Variants in CA10 observed in about 807,000 individuals in gnomAD.
CA10 encodes the protein carbonic anhydrase-related protein 10.
A neutral mutation model predicts 44.2 loss-of-function variants in CA10; 14 were observed. That is an observed-to-expected ratio of 0.32 (90% CI 0.21 to 0.50). CA10 has a LOEUF of 0.50. Among genes scored for constraint, CA10 ranks in the 20% least tolerant of loss-of-function variants. The pLI, the probability that CA10 is intolerant of heterozygous loss-of-function variation, is 0.99. For missense variants in CA10, 350 were observed against 409.7 expected, an observed-to-expected ratio of 0.85 and a Z score of 1.26; for synonymous variants, 159 against 141.6, an observed-to-expected ratio of 1.12 and a Z score of -0.87.
intron 4 of CA10, among the ~76,000 whole-genome samples, chr17:51,660,826 G>C (rs1913977623): frequency 6.6e-6 from 1 of 152,094 alleles, no homozygotes; most frequent in Non-Finnish European, 1.5e-5. Context: ...ATGTGTCCTT[G>C]TTTTCTGTGC....
intron 4 of CA10, among the ~76,000 whole-genome samples, chr17:51,724,714 A>C (rs769121767): frequency 1.3e-5 from 2 of 152,214 alleles, no homozygotes; most frequent in African/African-American, 4.8e-5. Flanking sequence ...CTGAAAATAC[A>C]ATGTAAAAGA....
At chr17:51,768,356 A>C (rs945385564) in intron 3 of CA10, among the ~76,000 whole-genome samples, 8 of 152,268 alleles carry the variant, frequency 5.3e-5, no homozygotes, top group African/African-American at 1.9e-4. Context: ...AAGGACAGGA[A>C]ATTTCAAATC....
chr17:51,702,398 C>T (rs1272447295), intron 4 of CA10, among the ~76,000 whole-genome samples: 1 of 152,160 alleles, frequency 6.6e-6, no homozygotes, highest in Non-Finnish European at 1.5e-5. Context: ...CAATCACTCT[C>T]ATCCTTGGTG....
At chr17:51,967,793 T>C (rs1298002167) in intron 2 of CA10, among the ~76,000 whole-genome samples, 4 of 151,546 alleles carry the variant, frequency 2.6e-5, no homozygotes, top group Admixed American at 6.6e-5. Context: ...AGTATACCCA[T>C]GTAATGAAAC....
intron 3 of CA10, 122 bp from the exon 4 acceptor site, chr17:51,747,940 C>T (rs752955912): frequency 5.7e-6 from 4 of 705,576 alleles, no homozygotes; most frequent in African/African-American, 1.8e-5. Context: ...GCTAAATCCA[C>T]ATGTGGAGTA....
intron 3 of CA10, among the ~76,000 whole-genome samples, chr17:51,922,460 A>G (rs1250859088): frequency 6.6e-6 from 1 of 151,932 alleles, no homozygotes; most frequent in Non-Finnish European, 1.5e-5. Flanking sequence ...AGTGCTCCTC[A>G]TTTTCTGGAA....
intron 2 of CA10, among the ~76,000 whole-genome samples, chr17:51,946,517 T>C (rs567979734): frequency 1.7e-4 from 26 of 152,256 alleles, no homozygotes; most frequent in African/African-American, 6.3e-4. Flanking sequence ...ACCTGTTTTC[T>C]GTGGCTCCTC....
At chr17:52,131,158 G>T (rs1034166073) in intron 1 of CA10, among the ~76,000 whole-genome samples, 3 of 150,642 alleles carry the variant, frequency 2.0e-5, no homozygotes, top group Admixed American at 1.3e-4. Context: ...TTACCCCAAA[G>T]TTCCCCTTTA....
intron 1 of CA10, among the ~76,000 whole-genome samples, chr17:52,103,741 C>T (rs1026802916): frequency 3.3e-5 from 5 of 152,218 alleles, no homozygotes; most frequent in Non-Finnish European, 7.3e-5. Flanking sequence ...TGCAGTTCAT[C>T]GCATTTCTTC....
At chr17:51,666,471 G>A (rs1411130171) in intron 4 of CA10, among the ~76,000 whole-genome samples, 1 of 152,136 alleles carries the variant, frequency 6.6e-6, no homozygotes, top group Non-Finnish European at 1.5e-5. Context: ...TCTGACACTC[G>A]ATTGAAAACT....
chr17:52,012,484 A>T (rs1390637384), intron 2 of CA10, among the ~76,000 whole-genome samples: 2 of 152,056 alleles, frequency 1.3e-5, no homozygotes, highest in Admixed American at 6.6e-5. Context: ...AATATCTATT[A>T]TATGCAAAGG....
intron 2 of CA10, among the ~76,000 whole-genome samples, chr17:51,944,833 G>T (rs1983214291): frequency 1.3e-5 from 2 of 152,056 alleles, no homozygotes; most frequent in Admixed American, 6.6e-5. Flanking sequence ...TGCTTATTTG[G>T]GCCAGATTTT....
At chr17:51,654,092 C>T (rs1460902924) in intron 4 of CA10, among the ~76,000 whole-genome samples, 1 of 152,172 alleles carries the variant, frequency 6.6e-6, no homozygotes, top group Non-Finnish European at 1.5e-5. Context: ...GATGTTGTGT[C>T]CCTGCTGCAC....
At position 52,084,878 on chromosome 17, in the gene CA10, T is replaced by C. The variant is rs141706404; in HGVS notation, c.62-12485A>G. On this transcript the variant is annotated intron_variant, in intron 1 of 8. Coordinates refer to ENST00000451037, the MANE Select transcript of CA10 (RefSeq NM_020178.5). Reference sequence around the variant, plus strand: ...GAATAAGTTCTGGTTAATGAGATGTTAGAAAATGTATAAGAGTTCCAGGAA... The same window carrying C: ...GAATAAGTTCTGGTTAATGAGATGTCAGAAAATGTATAAGAGTTCCAGGAA... Among the ~76,000 whole-genome samples the C allele has an allele frequency of 1.4e-4, 22 of 152,296 alleles. No individual in the cohort carries two copies. The East Asian group carries it at 4.2e-3, about 29-fold the overall frequency.
intron 3 of CA10, among the ~76,000 whole-genome samples, chr17:51,765,691 CTGTGTGTGTGTG>C (rs61631215): frequency 2.9e-5 from 4 of 140,284 alleles, no homozygotes; most frequent in African/African-American, 7.9e-5. Flanking sequence ...AGGCAGCTCC[CTGTGTGTGTGTG>C]TGTGTGTGTG....
At chr17:51,975,341 A>C (rs563135803) in intron 2 of CA10, among the ~76,000 whole-genome samples, 17 of 152,360 alleles carry the variant, frequency 1.1e-4, no homozygotes, top group African/African-American at 4.1e-4. Context: ...TCAACAGACT[A>C]AATGGCCCAC....
In CA10 at chr17:51,744,569, TA is replaced by T. The variant is rs1904600658; in HGVS notation, c.465+3063del. 2.0e-5 allele frequency among the ~76,000 whole-genome samples: 3 copies of T among 152,302 alleles called. No homozygotes were observed. In the South Asian group the frequency reaches 6.2e-4, roughly 32 times the overall value. On this transcript the variant is annotated intron_variant, in intron 4 of 8. Coordinates refer to ENST00000451037, the MANE Select transcript of CA10 (RefSeq NM_020178.5). ...AGGTTACAGTGAACTGTGATGGTGC[TA>T]CCACTGTACTTCAGCCTGGGTAACA...
At position 51,747,722 on chromosome 17, in the gene CA10, G is replaced by A. The variant is rs1316296594; in HGVS notation, c.376C>T (p.His126Tyr). The A allele has an allele frequency of 1.9e-6, 3 of 1,614,192 alleles. No homozygotes were observed. The highest frequency in any genetic ancestry group is 2.2e-5 in the East Asian group (1 of 44,882). The change falls in exon 4 of 9, where the codon CAC (histidine) becomes TAC (tyrosine). Residue 126 changes from histidine (H) to tyrosine (Y), a missense_variant. By Grantham distance (83) the His-to-Tyr change is moderately conservative. Transcript: ENST00000451037. ...NISGGPMTYS[H>Y]RLEEIRLHFG... ...TGTAGTCGGATCTCCTCCAGCCGGT[G>A]GCTGTATGTCATGGGCCCTCCAGAT...
At chr17:51,745,640 G>A (rs754057117) in intron 4 of CA10, among the ~76,000 whole-genome samples, 68 of 152,244 alleles carry the variant, frequency 4.5e-4, no homozygotes, top group Non-Finnish European at 6.0e-4. Flanking sequence ...CTCTAAAATT[G>A]TGGTTCACGT....
Sources: gnomAD v4.1 joint callset for allele counts (sites outside exome capture counted in the v4.1 genomes callset) on GRCh38, gnomAD v4.1.1 for gene constraint, MANE v1.5 for transcripts, NCBI Gene and HGNC (gene_info 2026-07-23, HGNC 2026-07-21) for gene names.